DACH1: variants seen among roughly 807,000 people sequenced by gnomAD.
DACH1 encodes the protein dachshund family transcription factor 1, also known as dachshund homolog 1.
In DACH1, 12 loss-of-function variants were observed where a neutral mutation model predicts 54.2. The observed-to-expected ratio is 0.22, with a 90% confidence interval of 0.14 to 0.36. The LOEUF (loss-of-function observed/expected upper bound fraction) is 0.36. Among genes scored for constraint, DACH1 ranks in the 10% least tolerant of loss-of-function variants. DACH1 has a pLI of 1.00. For synonymous variants in DACH1, 386 were observed against 366.2 expected, an observed-to-expected ratio of 1.05 and a Z score of -0.62; for missense variants, 805 against 929.8, an observed-to-expected ratio of 0.87 and a Z score of 1.75.
At chr13:71,601,781 A>G (rs943776693) in intron 3 of DACH1, among the ~76,000 whole-genome samples, 22 of 152,016 alleles carry the variant, frequency 1.4e-4, no homozygotes, top group Admixed American at 1.4e-3. Context: ...TTTGAAACTA[A>G]TGTAACCACT....
Position 71,631,004 on chromosome 13 carries a change from C to T in DACH1, c.965-287G>A, listed in dbSNP as rs545839068. 3.9e-5 allele frequency among the ~76,000 whole-genome samples: 6 copies of T among 152,260 alleles called. No homozygotes were observed. The East Asian group carries it at 7.7e-4, about 20-fold the overall frequency. Reference sequence around the variant, plus strand: ...GTTATCTCTTAAAGAAACCAATCTACGAATCTAAATATGTCTTTTCCTGCT... The same window carrying T: ...GTTATCTCTTAAAGAAACCAATCTATGAATCTAAATATGTCTTTTCCTGCT... On this transcript the variant is annotated intron_variant, in intron 2 of 10. Transcript: ENST00000613252.
intron 1 of DACH1, among the ~76,000 whole-genome samples, chr13:71,708,372 G>A (rs920168839): frequency 6.6e-6 from 1 of 152,014 alleles, no homozygotes; most frequent in Non-Finnish European, 1.5e-5. Flanking sequence ...TATTAACTTA[G>A]TAAATTATTA....
intron 1 of DACH1, among the ~76,000 whole-genome samples, chr13:71,852,745 A>G (rs992110274): frequency 6.6e-6 from 1 of 152,334 alleles, no homozygotes; most frequent in Admixed American, 6.5e-5. Context: ...GAGCCACAAA[A>G]TAGCCAAAGG....
rs201171071 is a variant in DACH1 at position 71,446,662 on chromosome 13, G to GA, written c.2084-5971dup. Among the ~76,000 whole-genome samples, 753 of 152,186 alleles carry GA rather than the reference G, an allele frequency of 4.9e-3. 4 individuals carry two copies. Among genetic ancestry groups the GA allele is most frequent in the African/African-American group, 0.017 (723 of 41,532 alleles). On this transcript the variant is annotated intron_variant, in intron 10 of 10. Coordinates refer to ENST00000613252, the MANE Select transcript of DACH1 (RefSeq NM_080759.6). ...CTAATAAGCAACTGGACTGTCCCTG[G>GA]AAAAAATATGATGTCTTTGACATAC...
chr13:71,538,606 T>C (rs1882949364), intron 6 of DACH1, among the ~76,000 whole-genome samples: 1 of 152,056 alleles, frequency 6.6e-6, no homozygotes, highest in Admixed American at 6.6e-5. Flanking sequence ...ATCAACAGTA[T>C]AAAATATTTA....
intron 1 of DACH1, among the ~76,000 whole-genome samples, chr13:71,846,981 TA>T (rs1873320593): frequency 6.6e-6 from 1 of 152,146 alleles, no homozygotes; most frequent in Non-Finnish European, 1.5e-5. Flanking sequence ...CCACTCAATT[TA>T]AATGTTTAGA....
At chr13:71,815,068 A>T (rs1887857687) in intron 1 of DACH1, among the ~76,000 whole-genome samples, 1 of 152,174 alleles carries the variant, frequency 6.6e-6, no homozygotes, top group Non-Finnish European at 1.5e-5. Flanking sequence ...TTGCTAACAA[A>T]CTGTCACATC....
intron 6 of DACH1, among the ~76,000 whole-genome samples, chr13:71,519,246 A>G (rs1406459292): frequency 6.6e-6 from 1 of 151,886 alleles, no homozygotes; most frequent in African/African-American, 2.4e-5. Context: ...GTGTATCACT[A>G]ATGAGCTGAT....
chr13:71,590,026 T>C (rs535217019), intron 3 of DACH1, among the ~76,000 whole-genome samples: 23 of 152,154 alleles, frequency 1.5e-4, no homozygotes, highest in South Asian at 1.5e-3. Flanking sequence ...AAAAGAAGTG[T>C]TTATGCTAAA....
rs531651122 is a variant in DACH1, at chr13:71,442,087, A to G, written c.2084-1395T>C. Among the ~76,000 whole-genome samples, 4 of 152,184 alleles carry G rather than the reference A, an allele frequency of 2.6e-5. No individual in the cohort carries two copies. The South Asian group carries it at 8.3e-4, about 32-fold the overall frequency. On this transcript the variant is annotated intron_variant, in intron 10 of 10. Coordinates refer to ENST00000613252, the MANE Select transcript of DACH1 (RefSeq NM_080759.6). ...GTTATTTTAAAATGTACCAATTACT[A>G]TGAACTATAGTCTCTTTGTTGTGCT...
chr13:71,552,828 TATATATATATATATAG>T (rs1242370414), intron 6 of DACH1, among the ~76,000 whole-genome samples: 78 of 46,136 alleles, frequency 1.7e-3, no homozygotes, highest in Admixed American at 6.3e-3. Flanking sequence ...TATATATATA[TATATATATATATATAG>T]AGAGAGAGAG....
chr13:71,814,569 T>C (rs773508540), intron 1 of DACH1, among the ~76,000 whole-genome samples: 9 of 152,182 alleles, frequency 5.9e-5, no homozygotes, highest in Admixed American at 2.0e-4. Flanking sequence ...AGGACTGAAA[T>C]TAGATTGTAA....
intron 1 of DACH1, among the ~76,000 whole-genome samples, chr13:71,753,708 T>C (rs1885019827): frequency 6.6e-6 from 1 of 152,128 alleles, no homozygotes; most frequent in South Asian, 2.1e-4. Context: ...ACATTTTGAG[T>C]GTGTGAAATA....
chr13:71,784,560 A>G (rs1204588766), intron 1 of DACH1, among the ~76,000 whole-genome samples: 1 of 152,114 alleles, frequency 6.6e-6, no homozygotes, highest in African/African-American at 2.4e-5. Context: ...GGGCTTATCT[A>G]TCACTTTTTA....
intron 1 of DACH1, among the ~76,000 whole-genome samples, chr13:71,748,932 CTT>C (rs1418681155): frequency 2.3e-5 from 1 of 43,166 alleles, no homozygotes; most frequent in Non-Finnish European, 8.9e-5. Context: ...TTCTTTCTTT[CTT>C]TCTTTCTTTC....
At chr13:71,650,437 A>G (rs1878588918) in intron 2 of DACH1, among the ~76,000 whole-genome samples, 1 of 152,202 alleles carries the variant, frequency 6.6e-6, no homozygotes, top group African/African-American at 2.4e-5. Flanking sequence ...TCAACATTCA[A>G]TTACATATCC....
chr13:71,493,259 T>C (rs2138212945), intron 6 of DACH1, among the ~76,000 whole-genome samples: 1 of 152,192 alleles, frequency 6.6e-6, no homozygotes, highest in East Asian at 1.9e-4. Flanking sequence ...TCAAACCAGT[T>C]GACATGACAT....
At chr13:71,652,907 G>T (rs1284109462) in intron 2 of DACH1, among the ~76,000 whole-genome samples, 1 of 152,050 alleles carries the variant, frequency 6.6e-6, no homozygotes, top group East Asian at 1.9e-4. Context: ...GTAGAAAAGT[G>T]GACCGCGATG....
chr13:71,807,100 G>A (rs1037198973), intron 1 of DACH1, among the ~76,000 whole-genome samples: 1 of 152,058 alleles, frequency 6.6e-6, no homozygotes, highest in Non-Finnish European at 1.5e-5. Flanking sequence ...TTGCAGTTTT[G>A]CCCAAGGCAG....
Sources: allele counts gnomAD v4.1 joint callset (sites outside exome capture counted in the v4.1 genomes callset), GRCh38; gene constraint gnomAD v4.1.1; transcripts MANE v1.5; gene names NCBI Gene and HGNC (gene_info 2026-07-23, HGNC 2026-07-21).